PVT1: variants seen among roughly 807,000 people sequenced by gnomAD.
PVT1 encodes the protein CXCR4/PVT1 fusion.
intron 2 of PVT1, among the ~76,000 whole-genome samples, chr8:127,829,528 C>G (rs1013952384): frequency 6.6e-6 from 1 of 152,106 alleles, no homozygotes; most frequent in Non-Finnish European, 1.5e-5. Context: ...TGGCCTCCCT[C>G]TTTCACATCT....
intron 4 of PVT1, among the ~76,000 whole-genome samples, chr8:128,069,700 C>T (rs958478314): frequency 6.6e-6 from 1 of 152,156 alleles, no homozygotes; most frequent in Non-Finnish European, 1.5e-5. Context: ...AACAGCTCTG[C>T]AGAGCCACTC....
At chr8:127,883,085 C>CACAG (rs1161516081) in intron 2 of PVT1, among the ~76,000 whole-genome samples, 35 of 151,582 alleles carry the variant, frequency 2.3e-4, no homozygotes, top group Admixed American at 1.6e-3. Flanking sequence ...CACACACACA[C>CACAG]AGACACATGC....
intron 5 of PVT1, among the ~76,000 whole-genome samples, chr8:128,093,568 A>C (rs978980363): frequency 2.0e-5 from 3 of 152,058 alleles, no homozygotes; most frequent in Admixed American, 6.6e-5. Flanking sequence ...AAAAAATAAA[A>C]AATAAAAAGA....
intron 2 of PVT1, among the ~76,000 whole-genome samples, chr8:127,842,959 C>T (rs1428097790): frequency 6.6e-6 from 1 of 152,192 alleles, no homozygotes; most frequent in Non-Finnish European, 1.5e-5. Flanking sequence ...AATACCCTCT[C>T]TGGAGTCTTC....
intron 3 of PVT1, among the ~76,000 whole-genome samples, chr8:127,984,994 T>TCTTTCC (rs1554602248): frequency 0.01 from 696 of 67,114 alleles, 83 homozygotes; most frequent in African/African-American, 0.041. Context: ...TTTCTTTCTC[T>TCTTTCC]TTCCTTCCTT....
At chr8:128,018,351 C>T (rs1817397294) in intron 4 of PVT1, among the ~76,000 whole-genome samples, 1 of 152,204 alleles carries the variant, frequency 6.6e-6, no homozygotes, top group Admixed American at 6.5e-5. Context: ...GATGCTCTCC[C>T]CAGGAAGTGG....
chr8:128,074,363 A>AAAAAAATATAAAT (rs1814053080), intron 5 of PVT1, among the ~76,000 whole-genome samples: 1 of 25,656 alleles, frequency 3.9e-5, no homozygotes, highest in African/African-American at 9.8e-5. Context: ...AAATAAAAAT[A>AAAAAAATATAAAT]AAAAAAAAAA....
intron 5 of PVT1, among the ~76,000 whole-genome samples, chr8:128,071,713 A>AATAAATAAATAC (rs1200255456): frequency 1.3e-5 from 2 of 151,250 alleles, no homozygotes; most frequent in African/African-American, 4.8e-5. Context: ...TAAATAAATA[A>AATAAATAAATAC]ATAAATAAAA....
chr8:128,003,532 G>T (rs1817210709), intron 4 of PVT1, among the ~76,000 whole-genome samples: 1 of 152,024 alleles, frequency 6.6e-6, no homozygotes, highest in Admixed American at 6.6e-5. Context: ...TTTTTGTAGA[G>T]ACAGGATTTC....
chr8:128,009,583 A>G (rs1817289967), intron 4 of PVT1: 1 of 152,098 alleles, frequency 6.6e-6, no homozygotes, highest in Non-Finnish European at 1.5e-5. Flanking sequence ...ATTTTTCTTT[A>G]CCATAGGCCA....
chr8:128,027,384 A>G (rs906451548), intron 4 of PVT1, among the ~76,000 whole-genome samples: 1 of 152,212 alleles, frequency 6.6e-6, no homozygotes, highest in Non-Finnish European at 1.5e-5. Context: ...GGGAGTGGGC[A>G]GCATGCAGTC....
intron 3 of PVT1, among the ~76,000 whole-genome samples, chr8:127,959,353 A>G (rs1250467979): frequency 6.6e-6 from 1 of 152,186 alleles, no homozygotes; most frequent in African/African-American, 2.4e-5. Context: ...TTGGGAGGCC[A>G]AGGCGGGCGG....
intron 2 of PVT1, among the ~76,000 whole-genome samples, chr8:127,836,331 T>C (rs1188536755): frequency 6.6e-6 from 1 of 152,222 alleles, no homozygotes; most frequent in African/African-American, 2.4e-5. Context: ...CCGAGGTACA[T>C]GTGCAGGATG....
At chr8:128,086,798 C>T (rs1814263534) in intron 5 of PVT1, among the ~76,000 whole-genome samples, 1 of 152,208 alleles carries the variant, frequency 6.6e-6, no homozygotes, top group Admixed American at 6.5e-5. Flanking sequence ...GCCCTGGCTG[C>T]GTTTGGCTCC....
At chr8:127,899,779 T>G (rs1815735898) in intron 3 of PVT1, among the ~76,000 whole-genome samples, 1 of 152,152 alleles carries the variant, frequency 6.6e-6, no homozygotes, top group African/African-American at 2.4e-5. Context: ...CTCCCTCTTG[T>G]GCTGTGTGTG....
intron 4 of PVT1, among the ~76,000 whole-genome samples, chr8:128,000,682 C>A (rs1045019604): frequency 2.0e-5 from 3 of 152,242 alleles, no homozygotes; most frequent in Admixed American, 1.3e-4. Context: ...CGTAGCAATA[C>A]TTTCCTGGCA....
chr8:127,958,047 C>T (rs768168734), intron 3 of PVT1, among the ~76,000 whole-genome samples: 2 of 152,182 alleles, frequency 1.3e-5, no homozygotes, highest in East Asian at 3.8e-4. Context: ...ATGGGAATGA[C>T]AGGTGGTGAG....
chr8:127,889,035 T>TC (rs1554594526), intron 2 of PVT1, among the ~76,000 whole-genome samples: 5,639 of 100,066 alleles, frequency 0.056, 273 homozygotes, highest in East Asian at 0.14. Context: ...TTTCTCTCTT[T>TC]CTTTCTTCCT....
chr8:127,901,786 G>A (rs1815762285), intron 3 of PVT1, among the ~76,000 whole-genome samples: 1 of 151,362 alleles, frequency 6.6e-6, no homozygotes, highest in Admixed American at 6.6e-5. Context: ...ATATTTAATA[G>A]AGATGGAGTC....
Sources: gnomAD v4.1 joint callset for allele counts (sites outside exome capture counted in the v4.1 genomes callset) on GRCh38, gnomAD v4.1.1 for gene constraint, MANE v1.5 for transcripts, NCBI Gene and HGNC (gene_info 2026-07-23, HGNC 2026-07-21) for gene names.